Variants in CHL1 observed in about 807,000 individuals in gnomAD.
The protein encoded by CHL1 is neural cell adhesion molecule L1-like protein.
In CHL1, 96 loss-of-function variants were observed where a neutral mutation model predicts 141.9. That is an observed-to-expected ratio of 0.68 (90% CI 0.57 to 0.80). The LOEUF (loss-of-function observed/expected upper bound fraction) is 0.80, where lower values mean the gene tolerates loss of function less well. Ranked by LOEUF, CHL1 falls within the 30% of genes least tolerant of loss-of-function variation. The pLI is 0.00. For missense variants in CHL1, 1,820 were observed against 1,457.2 expected (o/e 1.25, Z -4.05); for synonymous variants, 613 against 502.2 (o/e 1.22, Z -2.95).
chr3:253,201 T>C (rs113896523), intron 2 of CHL1, among the ~76,000 whole-genome samples: 2,014 of 152,274 alleles, frequency 0.013, 54 homozygotes, highest in African/African-American at 0.047. Context: ...AAACTCTCAA[T>C]ATTATGATTA....
chr3:311,588 T>G (rs186000583), intron 2 of CHL1, among the ~76,000 whole-genome samples: 2 of 152,226 alleles, frequency 1.3e-5, no homozygotes, highest in East Asian at 3.9e-4. Context: ...GGAGGAGAGA[T>G]AGCACCTTGG....
intron 10 of CHL1, among the ~76,000 whole-genome samples, chr3:352,837 G>A (rs1395511742): frequency 6.6e-6 from 1 of 152,172 alleles, no homozygotes; most frequent in African/African-American, 2.4e-5. Context: ...ATAAATATTG[G>A]GGGAGCTTGG....
intron 1 of CHL1, among the ~76,000 whole-genome samples, chr3:211,471 G>A (rs13093824): frequency 0.63 from 96,087 of 152,012 alleles, 31,539 homozygotes; most frequent in Non-Finnish European, 0.73. Context: ...AAGAACTGCT[G>A]CCATGTCTGG....
chr3:391,408 C>T (rs890545970), intron 22 of CHL1, among the ~76,000 whole-genome samples: 7 of 151,966 alleles, frequency 4.6e-5, no homozygotes, highest in Non-Finnish European at 7.4e-5. Context: ...CCCAGCTACT[C>T]GGGAGGCTGA....
intron 3 of CHL1, 115 bp from the exon 4 acceptor site, chr3:325,844 T>C (rs918252490): frequency 1.7e-5 from 10 of 592,172 alleles, no homozygotes; most frequent in Non-Finnish European, 2.6e-5. Flanking sequence ...ATTTTCACTT[T>C]TGTATCATCC....
chr3:203,047 G>A (rs1699092858), intron 1 of CHL1, among the ~76,000 whole-genome samples: 1 of 152,132 alleles, frequency 6.6e-6, no homozygotes, highest in African/African-American at 2.4e-5. Context: ...GGTAGGGAGA[G>A]TTATTGTTTT....
At chr3:219,903 A>G (rs1011415148) in intron 1 of CHL1, among the ~76,000 whole-genome samples, 14 of 152,354 alleles carry the variant, frequency 9.2e-5, no homozygotes, top group Middle Eastern at 3.4e-3. Flanking sequence ...ACATACTAAG[A>G]TAGACAACCT....
chr3:354,392 A>G (rs1034538919), intron 10 of CHL1, among the ~76,000 whole-genome samples: 1 of 150,658 alleles, frequency 6.6e-6, no homozygotes, highest in Non-Finnish European at 1.5e-5. Flanking sequence ...TATTTTCAGT[A>G]TGTTGATGTA....
intron 1 of CHL1, among the ~76,000 whole-genome samples, chr3:217,029 T>C (rs1021970141): frequency 1.3e-5 from 2 of 152,186 alleles, no homozygotes; most frequent in African/African-American, 4.8e-5. Flanking sequence ...ATTAGCAGTT[T>C]AAAAGTCTGC....
rs530145108 is a variant in CHL1 at position 319,751 on chromosome 3, C to T, written c.-26C>T. The stretch of plus-strand genomic sequence containing the variant: ...GGAGACATTAAGATTTTCATTCTTA[C>T]CGGGTTGTCTTCTTCCTGAAGAGCA... On this transcript the variant is annotated 5_prime_UTR_variant, in exon 3 of 28. Coordinates refer to ENST00000256509, the MANE Select transcript of CHL1 (RefSeq NM_006614.4). 1 of 1,474,220 alleles carries T rather than the reference C, an allele frequency of 6.8e-7. No homozygotes were observed. Among genetic ancestry groups the T allele is most frequent in the Non-Finnish European group, 9.5e-7 (1 of 1,057,666 alleles). The allele number at this position is 1,474,220 out of a possible 1,614,324, so 91.3% of individuals were successfully genotyped here.
At chr3:212,406 C>G (rs964950219) in intron 1 of CHL1, among the ~76,000 whole-genome samples, 6 of 152,182 alleles carry the variant, frequency 3.9e-5, no homozygotes, top group African/African-American at 1.2e-4. Flanking sequence ...CCTGCTTCAA[C>G]TTTCCCCTCA....
Position 377,948 on chromosome 3 carries a change from T to C in CHL1, c.1876+6T>C. Reference sequence around the variant, plus strand: ...AACTCAAGTAACTGTTCTTGGTAAGTGCACTAACTAATGAGAAATCTGTTC... The same window carrying C: ...AACTCAAGTAACTGTTCTTGGTAAGCGCACTAACTAATGAGAAATCTGTTC... On this transcript the variant is annotated splice_donor_region_variant and intron_variant, in intron 16 of 27. Coordinates refer to ENST00000256509, the MANE Select transcript of CHL1 (RefSeq NM_006614.4). 1 of 1,593,160 alleles carries C rather than the reference T, an allele frequency of 6.3e-7. No individual in the cohort carries two copies.
chr3:383,247 CTT>C (rs1274209465), intron 18 of CHL1, among the ~76,000 whole-genome samples: 15 of 152,274 alleles, frequency 9.9e-5, no homozygotes, highest in African/African-American at 3.6e-4. Flanking sequence ...GAAATTAACA[CTT>C]GTGTGATTTT....
chr3:219,486 A>T (rs1375489433), intron 1 of CHL1, among the ~76,000 whole-genome samples: 1 of 152,230 alleles, frequency 6.6e-6, no homozygotes, highest in East Asian at 1.9e-4. Flanking sequence ...GTACATATGC[A>T]CCATGGACTA....
chr3:383,313 G>A (rs1439612920), intron 18 of CHL1, among the ~76,000 whole-genome samples: 5 of 152,048 alleles, frequency 3.3e-5, no homozygotes, highest in African/African-American at 1.2e-4. Context: ...CTAATAAAAC[G>A]AATCCATCTA....
rs191453606 is a variant in CHL1 at position 377,109 on chromosome 3, T to A, written c.1752-709T>A. On this transcript the variant is annotated intron_variant, in intron 15 of 27. Coordinates refer to ENST00000256509, the MANE Select transcript of CHL1 (RefSeq NM_006614.4). ...ATTTTACGGAACTTGAAAAATACTT[T>A]AATAGTTATCTCAACAATGGTACGG... Among the ~76,000 whole-genome samples, 373 of 152,306 alleles carry A rather than the reference T, an allele frequency of 2.4e-3. 1 individual carries two copies. Among genetic ancestry groups the A allele is most frequent in the Non-Finnish European group, 2.9e-3 (200 of 68,022 alleles).
chr3:252,489 G>A (rs1326414502), intron 2 of CHL1, among the ~76,000 whole-genome samples: 2 of 147,368 alleles, frequency 1.4e-5, no homozygotes, highest in African/African-American at 5.0e-5. Flanking sequence ...TTTTACCTTA[G>A]GAAACACATA....
intron 2 of CHL1, among the ~76,000 whole-genome samples, chr3:258,079 G>A (rs572746903): frequency 3.9e-5 from 6 of 152,266 alleles, no homozygotes; most frequent in Non-Finnish European, 8.8e-5. Flanking sequence ...AGTCTCCAAA[G>A]GAGGGAGCAA....
At chr3:316,479 T>C (rs1288559604) in intron 2 of CHL1, among the ~76,000 whole-genome samples, 2 of 151,926 alleles carry the variant, frequency 1.3e-5, no homozygotes, top group Non-Finnish European at 2.9e-5. Context: ...ATGTTTTTTT[T>C]CCTAAGGATG....
Sources: gnomAD v4.1 joint callset for allele counts (sites outside exome capture counted in the v4.1 genomes callset) on GRCh38, gnomAD v4.1.1 for gene constraint, MANE v1.5 for transcripts, NCBI Gene and HGNC (gene_info 2026-07-23, HGNC 2026-07-21) for gene names.